Variants in FBXO34 observed in about 807,000 individuals in gnomAD.
FBXO34 encodes F-box protein 34.
Under a neutral mutation model 24.5 loss-of-function variants are expected in FBXO34, and 12 were observed. The ratio of observed to expected loss-of-function variants is 0.49; its 90% CI spans 0.31 to 0.79. The LOEUF is 0.79. Among genes scored for constraint, FBXO34 ranks in the 30% least tolerant of loss-of-function variants. The pLI, the probability that FBXO34 is intolerant of heterozygous loss-of-function variation, is 0.04. For synonymous variants in FBXO34, 320 were observed against 311.9 expected (o/e 1.03, Z -0.27); for missense variants, 823 against 857.7 (o/e 0.96, Z 0.51).
intron 1 of FBXO34, among the ~76,000 whole-genome samples, chr14:55,326,622 T>TC (rs1175499739): frequency 6.6e-6 from 1 of 152,180 alleles, no homozygotes; most frequent in Admixed American, 6.5e-5. Flanking sequence ...TCCCAGTAGC[T>TC]CGTAATAGAG....
intron 1 of FBXO34, among the ~76,000 whole-genome samples, chr14:55,338,813 G>A (rs1566562398): frequency 1.3e-5 from 2 of 152,166 alleles, no homozygotes; most frequent in East Asian, 3.9e-4. Context: ...GGCTGAGGCA[G>A]GAGAATGGCG....
the FBXO34 span, among the ~76,000 whole-genome samples, chr14:55,406,156 T>G: frequency 6.6e-6 from 1 of 152,248 alleles, no homozygotes; most frequent in Non-Finnish European, 1.5e-5. Context: ...AATTTATTTC[T>G]TTAATACTTA....
the FBXO34 span, among the ~76,000 whole-genome samples, chr14:55,393,396 G>GA: frequency 1.2e-4 from 18 of 146,426 alleles, no homozygotes; most frequent in South Asian, 1.7e-3. Flanking sequence ...AAAAAAAGAG[G>GA]AAAAAAAAAG....
chr14:55,363,936 T>A (rs1884627563), downstream of FBXO34, among the ~76,000 whole-genome samples: 1 of 141,500 alleles, frequency 7.1e-6, no homozygotes, highest in South Asian at 2.3e-4. Flanking sequence ...ATCAAATACC[T>A]TCTGCCAATT....
rs756916581 is a variant in FBXO34 at position 55,349,111 on chromosome 14, T to A, written c.-10-1270T>A. On this transcript the variant is annotated intron_variant, in intron 1 of 1. Coordinates refer to ENST00000313833, the MANE Select transcript of FBXO34 (RefSeq NM_017943.4). ...GCCATCCCTAGAAAACACTCTTTCC[T>A]CAATCCAGGGTGTTTTGTGTAGCAG... 2.2e-4 allele frequency among the ~76,000 whole-genome samples: 33 copies of A among 152,084 alleles called. No homozygotes were observed. In the South Asian group the frequency reaches 6.7e-3, roughly 31 times the overall value.
chr14:55,380,459 CTCT>C, the FBXO34 span: 1 of 693,318 alleles, frequency 1.4e-6, no homozygotes, highest in Admixed American at 2.5e-5. Flanking sequence ...ATCCGACCTT[CTCT>C]GTCTTGGTAA....
chr14:55,413,546 T>C, the FBXO34 span: 1 of 406,434 alleles, frequency 2.5e-6, no homozygotes, highest in Non-Finnish European at 4.9e-6. Flanking sequence ...AGAATTTTTT[T>C]TGACACCTAT....
chr14:55,285,862 A>G (rs535148765), intron 1 of FBXO34, among the ~76,000 whole-genome samples: 1 of 152,358 alleles, frequency 6.6e-6, no homozygotes, highest in South Asian at 2.1e-4. Flanking sequence ...TAATCCAGTG[A>G]GAATTCCTGT....
At chr14:55,370,446 C>A (rs1314562203), downstream of FBXO34, among the ~76,000 whole-genome samples, 2 of 152,206 alleles carry the variant, frequency 1.3e-5, no homozygotes, top group Non-Finnish European at 2.9e-5. Context: ...GAATGAGGCA[C>A]AACTGTTTAG....
At chr14:55,295,873 G>A (rs560333546) in intron 1 of FBXO34, among the ~76,000 whole-genome samples, 4 of 152,248 alleles carry the variant, frequency 2.6e-5, no homozygotes, top group African/African-American at 9.6e-5. Context: ...AAAGAAATTA[G>A]GAACAGCTTA....
the FBXO34 span, among the ~76,000 whole-genome samples, chr14:55,379,480 G>A: frequency 6.6e-6 from 1 of 152,094 alleles, no homozygotes; most frequent in Non-Finnish European, 1.5e-5. Context: ...GAGGGACGGA[G>A]GTTGCAATGA....
At chr14:55,424,418 A>G in the FBXO34 span, among the ~76,000 whole-genome samples, 1 of 152,238 alleles carries the variant, frequency 6.6e-6, no homozygotes, top group Non-Finnish European at 1.5e-5. Flanking sequence ...TGAGTGTCCT[A>G]GGTAATATCT....
the FBXO34 span, among the ~76,000 whole-genome samples, chr14:55,375,293 G>A: frequency 6.6e-6 from 1 of 152,098 alleles, no homozygotes; most frequent in African/African-American, 2.4e-5. Flanking sequence ...ACTGGTTGTT[G>A]TTGGCACACA....
intron 1 of FBXO34, among the ~76,000 whole-genome samples, chr14:55,321,201 T>G (rs1435575627): frequency 1.4e-5 from 2 of 148,138 alleles, no homozygotes; most frequent in Non-Finnish European, 3.0e-5. Context: ...TGTCAAAAAA[T>G]AGATGATACT....
At chr14:55,391,054 A>G in the FBXO34 span, 3 of 1,056,216 alleles carry the variant, frequency 2.8e-6, no homozygotes, top group South Asian at 2.9e-5. Context: ...ATGATTATCT[A>G]CCTGGGATCA....
At chr14:55,331,992 C>A (rs919149422) in intron 1 of FBXO34, among the ~76,000 whole-genome samples, 1 of 130,434 alleles carries the variant, frequency 7.7e-6, no homozygotes, top group Non-Finnish European at 1.7e-5. Context: ...TATATATACA[C>A]CACCGTGGTG....
the FBXO34 span, among the ~76,000 whole-genome samples, chr14:55,429,791 A>G: frequency 6.9e-6 from 1 of 144,234 alleles, no homozygotes; most frequent in Non-Finnish European, 1.5e-5. Context: ...AAAAAAAAAG[A>G]AAACAACAAG....
chr14:55,356,986 G>A (rs1884531918), downstream of FBXO34, among the ~76,000 whole-genome samples: 1 of 152,032 alleles, frequency 6.6e-6, no homozygotes, highest in Non-Finnish European at 1.5e-5. Context: ...TTTTATCCCC[G>A]TTTTTCCTCA....
chr14:55,273,134 C>T (rs1198010292), intron 1 of FBXO34, among the ~76,000 whole-genome samples: 1 of 151,770 alleles, frequency 6.6e-6, no homozygotes, highest in Non-Finnish European at 1.5e-5. Flanking sequence ...GGGTAGAAGT[C>T]CTTAATCCTT....
Sources: gnomAD v4.1 joint callset for allele counts (sites outside exome capture counted in the v4.1 genomes callset) on GRCh38, gnomAD v4.1.1 for gene constraint, MANE v1.5 for transcripts, NCBI Gene and HGNC (gene_info 2026-07-23, HGNC 2026-07-21) for gene names.